Variants in SAFB observed in about 807,000 individuals in gnomAD.
SAFB encodes scaffold attachment factor B.
In SAFB, 15 loss-of-function variants were observed where a neutral mutation model predicts 101.6. The ratio of observed to expected loss-of-function variants is 0.15; its 90% CI spans 0.10 to 0.23. SAFB has a LOEUF of 0.23. Ranked by LOEUF, SAFB falls within the 10% of genes least tolerant of loss-of-function variation. The probability of loss-of-function intolerance (pLI) is 1.00; values close to 1 mark genes in which losing one functional copy is unlikely to be tolerated. For missense variants in SAFB, 930 were observed against 1,104.1 expected (o/e 0.84, Z 2.23); for synonymous variants, 449 against 407.5 (o/e 1.10, Z -1.23).
intron 14 of SAFB, 61 bp downstream of exon 14, chr19:5,657,408 T>G (rs2054088256): frequency 8.5e-7 from 1 of 1,178,084 alleles, no homozygotes; most frequent in East Asian, 2.4e-5. Flanking sequence ...GACTGTCTTC[T>G]GGAAGGATGT....
rs1012432071 is a variant in SAFB, at chr19:5,636,220, G to A, written c.275-5374G>A. On this transcript the variant is annotated intron_variant, in intron 2 of 20. Transcript: ENST00000588852. ...TCTAGTACCCCTCCTGAGGAAGAGAGAACACCGTATGGAGGGCAGCAAGTT... is the reference window on the plus strand; with the variant it reads ...TCTAGTACCCCTCCTGAGGAAGAGAAAACACCGTATGGAGGGCAGCAAGTT... Among the ~76,000 whole-genome samples the A allele has an allele frequency of 3.9e-5, 6 of 152,000 alleles. 2 individuals carry two copies. Among genetic ancestry groups the A allele is most frequent in the Non-Finnish European group, 8.8e-5 (6 of 67,972 alleles).
intron 14 of SAFB, among the ~76,000 whole-genome samples, chr19:5,659,979 C>T (rs1002014893): frequency 4.6e-5 from 7 of 152,178 alleles, no homozygotes; most frequent in African/African-American, 1.7e-4. Context: ...GGGGCTCCTC[C>T]GGAAGGTGCT....
chr19:5,648,058 A>G lies in SAFB; in HGVS notation c.637+15A>G. The G allele has an allele frequency of 6.2e-7, 1 of 1,605,556 alleles. No homozygotes were observed. Among genetic ancestry groups the G allele is most frequent in the Non-Finnish European group, 8.5e-7 (1 of 1,175,734 alleles). On this transcript the variant is annotated intron_variant, in intron 6 of 20. Coordinates refer to ENST00000588852, the MANE Select transcript of SAFB (RefSeq NM_001201338.2). ...CCTGGAGCCAGGTACTGTTAAATGA[A>G]AAACTTACCAGCGGGGGTTTGGAAC...
In SAFB at chr19:5,653,099, C is replaced by T. The variant is rs1478702612; in HGVS notation, c.1294-16C>T. On this transcript the variant is annotated splice_polypyrimidine_tract_variant and intron_variant, in intron 9 of 20. Transcript: ENST00000588852. ...GGGCTTCATGTCTGAGTCATATTTG[C>T]CTGCTTTCCTTTGAGGTGGTGGGCG... 1 of 1,612,904 alleles carries T rather than the reference C, an allele frequency of 6.2e-7. No homozygotes were observed. The highest frequency in any genetic ancestry group is 8.5e-7 in the Non-Finnish European group (1 of 1,179,902).
chr19:5,664,289 C>T, intron 16 of SAFB, 108 bp from the exon 17 acceptor site: 1 of 1,438,078 alleles, frequency 7.0e-7, no homozygotes, highest in Non-Finnish European at 9.8e-7. Context: ...CCGCAGGTCT[C>T]CTGCCTTCAG....
chr19:5,627,172 T>G (rs1398361749), intron 2 of SAFB, among the ~76,000 whole-genome samples: 2 of 148,682 alleles, frequency 1.3e-5, no homozygotes, highest in Admixed American at 1.3e-4. Context: ...CAAGACCCAG[T>G]CTCTCTTAAA....
chr19:5,627,998 G>C (rs1337924416), intron 2 of SAFB, among the ~76,000 whole-genome samples: 1 of 152,124 alleles, frequency 6.6e-6, no homozygotes, highest in Admixed American at 6.5e-5. Context: ...CACCTGTAAT[G>C]CCAGCACTTT....
At chr19:5,639,929 C>G (rs2053670339) in intron 2 of SAFB, among the ~76,000 whole-genome samples, 1 of 152,064 alleles carries the variant, frequency 6.6e-6, no homozygotes, top group Non-Finnish European at 1.5e-5. Context: ...CCTCCACCCC[C>G]TGGGTTCAAG....
intron 8 of SAFB, 60 bp from the exon 9 acceptor site, chr19:5,650,918 C>A: frequency 9.2e-7 from 1 of 1,090,428 alleles, no homozygotes; most frequent in Non-Finnish European, 1.4e-6. Flanking sequence ...GAAAGGTTGT[C>A]TCTAAGACTC....
chr19:5,661,836 C>T lies in SAFB; in HGVS notation c.2153+28C>T, dbSNP rs1454107452. The T allele has an allele frequency of 1.7e-5, 25 of 1,465,414 alleles. No homozygotes were observed. In the Middle Eastern group the frequency reaches 1.1e-3, roughly 62 times the overall value. The allele number at this position is 1,465,414 out of a possible 1,614,324, so 90.8% of individuals were successfully genotyped here. A position where few individuals can be genotyped will look rare whatever the true frequency, so the allele number is the denominator to read the frequency against. On this transcript the variant is annotated intron_variant, in intron 15 of 20. Coordinates refer to ENST00000588852, the MANE Select transcript of SAFB (RefSeq NM_001201338.2). ...AAGCAGATCCATGCTGCCCTTAGCA[C>T]GTGGCGTTCAGAATCGTGTTAGGGA... is the stretch of plus-strand genomic sequence containing the variant.
In SAFB at chr19:5,654,211, CATGAGCCCAGGAGA is replaced by C. The variant is rs779315560; in HGVS notation, c.1666+12_1666+25del. ...GAGCCACAAAGTCAGGTGGGCAGCT[CATGAGCCCAGGAGA>C]TTCTGTCTTGTTTCTGTGCCTAGTG... On this transcript the variant is annotated intron_variant, in intron 12 of 20. Transcript: ENST00000588852. The C allele has an allele frequency of 1.2e-6, 2 of 1,614,032 alleles. No homozygotes were observed.
rs1197602479 is a variant in SAFB at position 5,641,825 on chromosome 19, G to T, written c.425G>T (p.Gly142Val). The change falls in exon 4 of 21, where the codon GGA becomes GTA. Residue 142 changes from glycine to valine, a missense_variant. Transcript: ENST00000588852. ...TTGGATGAAGCAGAAATTGATAATG[G>T]AAGCGTTGCAGATTGTGTCGAAGAC... ...SVLDEAEIDN[G>V]SVADCVEDDD... 3 of 1,614,002 alleles carry T rather than the reference G, an allele frequency of 1.9e-6. No individual in the cohort carries two copies. The African/African-American group carries it at 4.0e-5, about 22-fold the overall frequency.
intron 2 of SAFB, among the ~76,000 whole-genome samples, chr19:5,627,375 G>A (rs1173703916): frequency 6.6e-6 from 1 of 152,082 alleles, no homozygotes; most frequent in Non-Finnish European, 1.5e-5. Flanking sequence ...GGCTAAGGCG[G>A]GAGGATCATT....
chr19:5,627,034 G>A (rs1286518697), intron 2 of SAFB, among the ~76,000 whole-genome samples: 1 of 152,080 alleles, frequency 6.6e-6, no homozygotes, highest in African/African-American at 2.4e-5. Flanking sequence ...AAATTAGCCA[G>A]GCATGATGGC....
At chr19:5,628,028 G>A (rs1952704052) in intron 2 of SAFB, among the ~76,000 whole-genome samples, 1 of 152,092 alleles carries the variant, frequency 6.6e-6, no homozygotes, top group Admixed American at 6.5e-5. Context: ...AGGCGGACTG[G>A]TCACCTGAGG....
chr19:5,625,923 T>C (rs2053348424), intron 1 of SAFB, among the ~76,000 whole-genome samples: 1 of 152,154 alleles, frequency 6.6e-6, no homozygotes, highest in African/African-American at 2.4e-5. Flanking sequence ...GTCCACACAG[T>C]ACTGAGTACA....
chr19:5,663,286 C>G (rs1276940606), intron 15 of SAFB, among the ~76,000 whole-genome samples: 1 of 152,250 alleles, frequency 6.6e-6, no homozygotes, highest in African/African-American at 2.4e-5. Context: ...CAGGCATGAG[C>G]CACTACGCCC....
At position 5,667,640 on chromosome 19, in the gene SAFB, G is replaced by A. The variant is rs1329700584; in HGVS notation, c.2558-180G>A. On this transcript the variant is annotated intron_variant, in intron 19 of 20. Transcript: ENST00000588852. The surrounding 1 kb of genome is among the most constrained non-coding windows in gnomAD (Gnocchi z 4.0). ...CAGGAGTTGGACAGTGGGCGTTCCCGAGTTCTCTCTGCTGGGAGGAAGCTG... is the reference window on the plus strand; with the variant it reads ...CAGGAGTTGGACAGTGGGCGTTCCCAAGTTCTCTCTGCTGGGAGGAAGCTG... The A allele has an allele frequency of 1.1e-5, 8 of 708,784 alleles. No homozygotes were observed. Among genetic ancestry groups the A allele is most frequent in the Admixed American group, 2.7e-5 (1 of 37,468 alleles). The allele number at this position is 708,784 out of a possible 1,614,324, so 43.9% of individuals were successfully genotyped here. A position where few individuals can be genotyped will look rare whatever the true frequency, so the allele number is the denominator to read the frequency against.
chr19:5,627,762 C>A (rs1274481229), intron 2 of SAFB, among the ~76,000 whole-genome samples: 1 of 152,166 alleles, frequency 6.6e-6, no homozygotes, highest in Non-Finnish European at 1.5e-5. Context: ...GACAACTGAT[C>A]CATCCCACCA....
Sources: gnomAD v4.1 joint callset for allele counts (sites outside exome capture counted in the v4.1 genomes callset) on GRCh38, gnomAD v4.1.1 for gene constraint, Gnocchi (gnomAD v3.1) non-coding constraint, MANE v1.5 for transcripts, NCBI Gene and HGNC (gene_info 2026-07-23, HGNC 2026-07-21) for gene names.